PCDH7: variants seen among roughly 807,000 people sequenced by gnomAD.
PCDH7 encodes protocadherin 7.
In PCDH7, 17 loss-of-function variants were observed where a neutral mutation model predicts 58.9. The observed-to-expected ratio is 0.29, with a 90% confidence interval of 0.20 to 0.43. PCDH7 has a LOEUF of 0.43. Among genes scored for constraint, PCDH7 ranks in the 20% least tolerant of loss-of-function variants. PCDH7 has a pLI of 1.00. For missense variants in PCDH7, 1,274 were observed against 1,441.0 expected, an observed-to-expected ratio of 0.88 and a Z score of 1.88; for synonymous variants, 664 against 616.4, an observed-to-expected ratio of 1.08 and a Z score of -1.14.
chr4:30,923,664 A>G (rs1372432309), intron 2 of PCDH7, among the ~76,000 whole-genome samples: 1 of 152,186 alleles, frequency 6.6e-6, no homozygotes, highest in Non-Finnish European at 1.5e-5. Flanking sequence ...GTCCCTGGAA[A>G]GTAACACTAG....
chr4:30,840,743 A>C (rs1002753009), intron 1 of PCDH7, among the ~76,000 whole-genome samples: 5 of 152,150 alleles, frequency 3.3e-5, no homozygotes, highest in Admixed American at 2.6e-4. Context: ...AAGCAAACCA[A>C]AGTCATTACA....
chr4:31,124,949 A>G (rs983004393), intron 3 of PCDH7, among the ~76,000 whole-genome samples: 1 of 152,208 alleles, frequency 6.6e-6, no homozygotes, highest in Non-Finnish European at 1.5e-5. Context: ...AGTTTGGCCC[A>G]GCATGCTGTG....
intron 1 of PCDH7, chr4:30,884,701 C>T (rs1560466520): frequency 6.6e-6 from 1 of 152,074 alleles, no homozygotes. Flanking sequence ...ATACAAGGGC[C>T]AGAACGCCTC....
At chr4:31,131,283 A>G (rs1718951877) in intron 3 of PCDH7, among the ~76,000 whole-genome samples, 11 of 152,150 alleles carry the variant, frequency 7.2e-5, no homozygotes, top group Admixed American at 7.2e-4. Flanking sequence ...AGCAGGGAAA[A>G]TCAATGAAGT....
At chr4:30,748,158 T>C (rs964370677) in intron 1 of PCDH7, among the ~76,000 whole-genome samples, 12 of 152,214 alleles carry the variant, frequency 7.9e-5, no homozygotes, top group African/African-American at 2.9e-4. Flanking sequence ...TTACAAACTA[T>C]TTATTCAACT....
chr4:31,127,263 C>T (rs1191300583), intron 3 of PCDH7, among the ~76,000 whole-genome samples: 1 of 152,160 alleles, frequency 6.6e-6, no homozygotes, highest in Admixed American at 6.5e-5. Flanking sequence ...TCACGCTTTT[C>T]TTAAGTCATC....
At chr4:30,766,077 C>T (rs995745843) in intron 1 of PCDH7, among the ~76,000 whole-genome samples, 2 of 149,248 alleles carry the variant, frequency 1.3e-5, no homozygotes, top group African/African-American at 5.0e-5. Context: ...TGGCTGGGGA[C>T]ACTGTGCCAG....
At chr4:30,724,325 A>G (rs1292648086) in exon 1 of PCDH7, 9 of 1,614,026 alleles carry the variant, frequency 5.6e-6, no homozygotes, top group Non-Finnish European at 7.6e-6. Context: ...GATAGTGTCA[A>G]TGAGAAGCTG....
At chr4:30,969,479 G>T (rs2109471122) in intron 3 of PCDH7, among the ~76,000 whole-genome samples, 1 of 152,170 alleles carries the variant, frequency 6.6e-6, no homozygotes, top group Admixed American at 6.5e-5. Context: ...AGCAACGTTT[G>T]GTTCCTATAA....
chr4:31,034,794 TTC>T (rs1755248616), intron 3 of PCDH7, among the ~76,000 whole-genome samples: 2 of 151,952 alleles, frequency 1.3e-5, no homozygotes, highest in Admixed American at 1.3e-4. Flanking sequence ...TAAGTGTGGA[TTC>T]TCTGTCAGCA....
chr4:30,883,132 T>G (rs1483580768), intron 1 of PCDH7, among the ~76,000 whole-genome samples: 1 of 152,194 alleles, frequency 6.6e-6, no homozygotes, highest in Non-Finnish European at 1.5e-5. Flanking sequence ...GGACTATTTC[T>G]CTAAATCACT....
chr4:31,047,555 CA>C (rs1222430370), intron 3 of PCDH7, among the ~76,000 whole-genome samples: 1 of 152,058 alleles, frequency 6.6e-6, no homozygotes, highest in Non-Finnish European at 1.5e-5. Context: ...ATTTACTTCT[CA>C]AAATGCACTC....
intron 3 of PCDH7, among the ~76,000 whole-genome samples, chr4:30,963,162 C>A (rs1410474115): frequency 6.6e-6 from 1 of 152,224 alleles, no homozygotes; most frequent in African/African-American, 2.4e-5. Context: ...GGCTGACTCA[C>A]AGATTCCTCT....
At chr4:30,893,066 G>C (rs1738828409) in intron 1 of PCDH7, among the ~76,000 whole-genome samples, 1 of 152,008 alleles carries the variant, frequency 6.6e-6, no homozygotes, top group Admixed American at 6.6e-5. Context: ...AAATGTTATA[G>C]AAGTATTGTA....
At chr4:31,110,179 A>G (rs868729067) in intron 3 of PCDH7, among the ~76,000 whole-genome samples, 7 of 152,204 alleles carry the variant, frequency 4.6e-5, no homozygotes, top group South Asian at 2.1e-4. Flanking sequence ...AGGAAATTGA[A>G]GAGTATTCTT....
At chr4:31,052,722 G>T (rs1056923712) in intron 3 of PCDH7, among the ~76,000 whole-genome samples, 1 of 152,076 alleles carries the variant, frequency 6.6e-6, no homozygotes, top group African/African-American at 2.4e-5. Flanking sequence ...AGCAAGCTTT[G>T]TTTAATATGA....
intron 1 of PCDH7, among the ~76,000 whole-genome samples, chr4:30,774,428 G>A (rs934041523): frequency 5.3e-5 from 8 of 152,068 alleles, no homozygotes; most frequent in East Asian, 1.9e-4. Context: ...TAAAACCACT[G>A]GTGTATAAAG....
chr4:31,101,256 T>A (rs760226311), intron 3 of PCDH7, among the ~76,000 whole-genome samples: 4 of 152,190 alleles, frequency 2.6e-5, no homozygotes, highest in Non-Finnish European at 5.9e-5. Context: ...CAAAGGAAAT[T>A]TTACATGCAT....
At chr4:31,029,102 C>T (rs748041455) in intron 3 of PCDH7, among the ~76,000 whole-genome samples, 21 of 152,158 alleles carry the variant, frequency 1.4e-4, no homozygotes, top group Admixed American at 3.3e-4. Flanking sequence ...TTTGAAAGGC[C>T]TTGTTAATCA....
Sources: gnomAD v4.1 joint callset for allele counts (sites outside exome capture counted in the v4.1 genomes callset) on GRCh38, gnomAD v4.1.1 for gene constraint, MANE v1.5 for transcripts, NCBI Gene and HGNC (gene_info 2026-07-23, HGNC 2026-07-21) for gene names.